Variants in SLC35D4 observed in about 807,000 individuals in gnomAD.
SLC35D4 encodes the protein solute carrier family 35 member D4.
chr18:23,241,698 T>A, the SLC35D4 span, among the ~76,000 whole-genome samples: 1 of 152,184 alleles, frequency 6.6e-6, no homozygotes, highest in Non-Finnish European at 1.5e-5. Context: ...GGAGTGGGAC[T>A]TCTGAGTCCT....
At chr18:23,275,622 CTGTGCTGTGCTGTGCTGTGCT>C in the SLC35D4 span, among the ~76,000 whole-genome samples, 2 of 143,490 alleles carry the variant, frequency 1.4e-5, no homozygotes, top group African/African-American at 5.2e-5. Flanking sequence ...CTGTGCTGTG[CTGTGCTGTGCTGTGCTGTGCT>C]GTGCTGTGCT....
At chr18:23,410,477 CAAA>C in the SLC35D4 span, among the ~76,000 whole-genome samples, 2 of 108,732 alleles carry the variant, frequency 1.8e-5, no homozygotes. Context: ...GACTCTGTCT[CAAA>C]AAAAAAAAAA....
At chr18:23,407,782 G>C in the SLC35D4 span, among the ~76,000 whole-genome samples, 2 of 152,204 alleles carry the variant, frequency 1.3e-5, no homozygotes, top group Admixed American at 6.5e-5. Flanking sequence ...GTGAGATATA[G>C]ACTGGTATCT....
At chr18:23,308,677 T>C in the SLC35D4 span, among the ~76,000 whole-genome samples, 2 of 152,076 alleles carry the variant, frequency 1.3e-5, no homozygotes, top group African/African-American at 4.8e-5. Context: ...TCCCCCAGCA[T>C]CCCCATGGCT....
At chr18:23,277,354 T>C in the SLC35D4 span, among the ~76,000 whole-genome samples, 13 of 152,346 alleles carry the variant, frequency 8.5e-5, 1 homozygote, top group Middle Eastern at 3.4e-3. Context: ...CCTGCTGCCA[T>C]CTATGTAAGA....
At chr18:23,411,511 AAG>A in the SLC35D4 span, among the ~76,000 whole-genome samples, 1 of 149,898 alleles carries the variant, frequency 6.7e-6, no homozygotes, top group Non-Finnish European at 1.5e-5. Flanking sequence ...GAAAGAAAGA[AAG>A]AAAGAAAGAA....
At chr18:23,388,781 C>T in the SLC35D4 span, among the ~76,000 whole-genome samples, 1 of 152,070 alleles carries the variant, frequency 6.6e-6, no homozygotes, top group Non-Finnish European at 1.5e-5. Context: ...GATAGTGGTT[C>T]TCATAAGATC....
At chr18:23,257,540 C>A in the SLC35D4 span, 1 of 648,982 alleles carries the variant, frequency 1.5e-6, no homozygotes, top group Non-Finnish European at 2.5e-6. Flanking sequence ...GGGTGTGTAG[C>A]CAAGAGGAGC....
chr18:23,287,056 A>G, the SLC35D4 span, among the ~76,000 whole-genome samples: 1 of 151,606 alleles, frequency 6.6e-6, no homozygotes, highest in African/African-American at 2.4e-5. Context: ...CCCATCCCAC[A>G]GCATGCTTTG....
At chr18:23,272,547 A>AG in the SLC35D4 span, among the ~76,000 whole-genome samples, 1 of 152,136 alleles carries the variant, frequency 6.6e-6, no homozygotes, top group Non-Finnish European at 1.5e-5. Flanking sequence ...GATGAGTAGG[A>AG]GATCAGAAAA....
the SLC35D4 span, chr18:23,365,528 G>T: frequency 3.0e-6 from 4 of 1,324,156 alleles, no homozygotes; most frequent in Middle Eastern, 1.9e-4. Context: ...CAGTCATCCT[G>T]GGGGGCAATG....
the SLC35D4 span, among the ~76,000 whole-genome samples, chr18:23,340,503 C>G: frequency 2.0e-5 from 3 of 152,148 alleles, no homozygotes; most frequent in Non-Finnish European, 4.4e-5. Flanking sequence ...CAACCCAGCA[C>G]TGCACAGCCC....
the SLC35D4 span, among the ~76,000 whole-genome samples, chr18:23,273,819 C>A: frequency 6.6e-6 from 1 of 152,246 alleles, no homozygotes; most frequent in African/African-American, 2.4e-5. Context: ...GTAAGGTTTA[C>A]TGTCTGTTTA....
chr18:23,309,542 C>T, the SLC35D4 span: 31 of 695,504 alleles, frequency 4.5e-5, no homozygotes, highest in African/African-American at 4.9e-4. Context: ...GAAAGCTTCG[C>T]TAATATGAGA....
chr18:23,246,064 G>A, the SLC35D4 span, among the ~76,000 whole-genome samples: 3 of 152,070 alleles, frequency 2.0e-5, no homozygotes, highest in Non-Finnish European at 2.9e-5. Context: ...TCAGGAGATC[G>A]AGACCATCCT....
chr18:23,375,554 T>A, the SLC35D4 span, among the ~76,000 whole-genome samples: 4 of 152,116 alleles, frequency 2.6e-5, no homozygotes, highest in African/African-American at 9.7e-5. Flanking sequence ...AGGTTTAAAC[T>A]TTTCCCCCCG....
At chr18:23,312,277 G>T in the SLC35D4 span, among the ~76,000 whole-genome samples, 1 of 152,164 alleles carries the variant, frequency 6.6e-6, no homozygotes, top group Admixed American at 6.5e-5. Flanking sequence ...TCTGCCGTGA[G>T]ATAGATAGCT....
chr18:23,348,452 G>A, the SLC35D4 span, among the ~76,000 whole-genome samples: 237 of 152,260 alleles, frequency 1.6e-3, no homozygotes, highest in African/African-American at 5.5e-3. Flanking sequence ...TCTCCAATTA[G>A]TATTGTTAAA....
At chr18:23,377,001 G>A in the SLC35D4 span, 5 of 455,372 alleles carry the variant, frequency 1.1e-5, no homozygotes, top group African/African-American at 2.0e-5. Flanking sequence ...AATATCTGCA[G>A]TAGAAATCCT....
Sources: gnomAD v4.1 joint callset for allele counts (sites outside exome capture counted in the v4.1 genomes callset) on GRCh38, gnomAD v4.1.1 for gene constraint, MANE v1.5 for transcripts, NCBI Gene and HGNC (gene_info 2026-07-23, HGNC 2026-07-21) for gene names.